The following FOXN3 variants were observed in gnomAD, a reference collection of about 807,000 sequenced individuals.
FOXN3 encodes the protein forkhead box protein N3.
Under a neutral mutation model 38.4 loss-of-function variants are expected in FOXN3, and 7 were observed. That is an observed-to-expected ratio of 0.18 (90% CI 0.10 to 0.34). The LOEUF (loss-of-function observed/expected upper bound fraction) is 0.34, where lower values mean the gene tolerates loss of function less well. Ranked by LOEUF, FOXN3 falls within the 10% of genes least tolerant of loss-of-function variation. The pLI, the probability that FOXN3 is intolerant of heterozygous loss-of-function variation, is 1.00. For missense variants in FOXN3, 456 were observed against 613.4 expected (o/e 0.74, Z 2.71); for synonymous variants, 230 against 242.2 (o/e 0.95, Z 0.47).
intron 3 of FOXN3, among the ~76,000 whole-genome samples, chr14:89,301,561 A>G (rs1450176685): frequency 6.6e-6 from 1 of 152,020 alleles, no homozygotes; most frequent in Non-Finnish European, 1.5e-5. Context: ...CGAGGTCAGG[A>G]GTTCAAGACC....
At chr14:89,268,729 G>C (rs1223029685) in intron 4 of FOXN3, among the ~76,000 whole-genome samples, 3 of 152,092 alleles carry the variant, frequency 2.0e-5, no homozygotes. Flanking sequence ...ACTGGGCCAC[G>C]TGCCTATCCC....
At chr14:89,568,337 C>A (rs1473396081) in intron 1 of FOXN3, among the ~76,000 whole-genome samples, 2 of 152,142 alleles carry the variant, frequency 1.3e-5, no homozygotes, top group Non-Finnish European at 2.9e-5. Flanking sequence ...GAAACCTGAC[C>A]ATGCCACTCT....
intron 3 of FOXN3, among the ~76,000 whole-genome samples, chr14:89,289,193 AAAAAGAAAAG>A (rs772173198): frequency 0.72 from 82,161 of 113,676 alleles, 30,473 homozygotes; most frequent in East Asian, 0.91. Context: ...AAAAAAAAAA[AAAAAGAAAAG>A]AAAAAGAAAA....
intron 2 of FOXN3, among the ~76,000 whole-genome samples, chr14:89,396,638 C>G (rs1243018301): frequency 6.6e-6 from 1 of 152,062 alleles, no homozygotes; most frequent in Non-Finnish European, 1.5e-5. Context: ...TCAAGACCAG[C>G]CTGGCCAACA....
chr14:89,533,664 A>T (rs1393323353), intron 1 of FOXN3, among the ~76,000 whole-genome samples: 2 of 7,998 alleles, frequency 2.5e-4, no homozygotes, highest in African/African-American at 8.6e-4. Context: ...TCTGTCTCAA[A>T]AAAAAAAAAA....
chr14:89,571,452 C>T (rs989621988), intron 1 of FOXN3, among the ~76,000 whole-genome samples: 10 of 149,248 alleles, frequency 6.7e-5, no homozygotes, highest in Non-Finnish European at 1.0e-4. Context: ...GAGGTTGCAG[C>T]GAGCCGAGAT....
chr14:89,254,940 G>A (rs894044672), intron 4 of FOXN3, among the ~76,000 whole-genome samples: 3 of 152,200 alleles, frequency 2.0e-5, no homozygotes, highest in Non-Finnish European at 2.9e-5. Flanking sequence ...GAGATCTGCA[G>A]GAAAGCTAAG....
chr14:89,280,501 G>A (rs540014957), intron 4 of FOXN3, among the ~76,000 whole-genome samples: 3 of 152,202 alleles, frequency 2.0e-5, no homozygotes, highest in African/African-American at 7.2e-5. Flanking sequence ...GTAGATGTTG[G>A]GCAACAGTAA....
At chr14:89,313,295 G>A (rs778320310) in intron 3 of FOXN3, among the ~76,000 whole-genome samples, 4 of 152,226 alleles carry the variant, frequency 2.6e-5, no homozygotes, top group Non-Finnish European at 4.4e-5. Flanking sequence ...GCCGGGCGCA[G>A]CGGCTCACAC....
chr14:89,336,257 T>A (rs978325663), intron 3 of FOXN3, among the ~76,000 whole-genome samples: 1 of 151,072 alleles, frequency 6.6e-6, no homozygotes, highest in Admixed American at 6.6e-5. Flanking sequence ...CATTCATCCA[T>A]CCACACAGAA....
intron 4 of FOXN3, among the ~76,000 whole-genome samples, chr14:89,250,956 C>A (rs117154960): frequency 1.6e-3 from 240 of 152,300 alleles, no homozygotes; most frequent in Non-Finnish European, 3.0e-3. Flanking sequence ...CCAGGTGGAA[C>A]TGTGAGTCCA....
At chr14:89,597,770 G>A (rs1361366416) in intron 1 of FOXN3, among the ~76,000 whole-genome samples, 1 of 152,008 alleles carries the variant, frequency 6.6e-6, no homozygotes, top group African/African-American at 2.4e-5. Context: ...TCTTTTGCAT[G>A]GTATATCTTG....
chr14:89,495,825 T>G (rs775659820), intron 1 of FOXN3, among the ~76,000 whole-genome samples: 4 of 152,220 alleles, frequency 2.6e-5, no homozygotes, highest in Non-Finnish European at 4.4e-5. Flanking sequence ...GAAGATACAC[T>G]GAGGCTCCAA....
At chr14:89,335,017 A>G (rs1313377129) in intron 3 of FOXN3, among the ~76,000 whole-genome samples, 1 of 151,712 alleles carries the variant, frequency 6.6e-6, no homozygotes, top group Non-Finnish European at 1.5e-5. Context: ...TGCCCGCCTC[A>G]GCCTCCCCAA....
At chr14:89,203,489 C>T (rs1370784545) in intron 4 of FOXN3, among the ~76,000 whole-genome samples, 2 of 152,226 alleles carry the variant, frequency 1.3e-5, no homozygotes, top group Non-Finnish European at 2.9e-5. Context: ...GGGAGGCTGT[C>T]TGCCAGGCTA....
At chr14:89,363,959 T>TATA (rs1890002524) in intron 2 of FOXN3, among the ~76,000 whole-genome samples, 1 of 10,690 alleles carries the variant, frequency 9.4e-5, no homozygotes, top group Non-Finnish European at 2.4e-4. Context: ...TATATATATA[T>TATA]ATATATATAT....
chr14:89,285,322 C>A (rs1236270078), intron 3 of FOXN3, among the ~76,000 whole-genome samples: 1 of 152,044 alleles, frequency 6.6e-6, no homozygotes, highest in East Asian at 1.9e-4. Context: ...AGTTCGAGAC[C>A]AGCCTGACCA....
At chr14:89,438,678 A>C (rs1271717775) in intron 1 of FOXN3, among the ~76,000 whole-genome samples, 1 of 152,188 alleles carries the variant, frequency 6.6e-6, no homozygotes, top group East Asian at 1.9e-4. Flanking sequence ...TAAGGTTGTC[A>C]GTTTCTTAAA....
At position 89,325,970 on chromosome 14, in the gene FOXN3, T is replaced by C. The variant is rs554028354; in HGVS notation, c.680+24702A>G. Among the ~76,000 whole-genome samples, 4 of 152,308 alleles carry C rather than the reference T, an allele frequency of 2.6e-5. No homozygotes were observed. The South Asian group carries it at 8.3e-4, about 32-fold the overall frequency. ...ACAGCTCCATCTAAGACATTAATCA[T>C]GGGGAATTATTAGAGACAGAGGCAC... On this transcript the variant is annotated intron_variant, in intron 3 of 5. Transcript: ENST00000557258.
Sources: allele counts gnomAD v4.1 joint callset (sites outside exome capture counted in the v4.1 genomes callset), GRCh38; gene constraint gnomAD v4.1.1; transcripts MANE v1.5; gene names NCBI Gene and HGNC (gene_info 2026-07-23, HGNC 2026-07-21).